ZNF544: variants seen among roughly 807,000 people sequenced by gnomAD.
ZNF544 encodes zinc finger protein 544, also known as zinc finger protein AF020591.
Under a neutral mutation model 13.5 loss-of-function variants are expected in ZNF544, and 10 were observed. The observed-to-expected ratio is 0.74, with a 90% CI of 0.46 to 1.25. The LOEUF is 1.25. Ranked by LOEUF, ZNF544 falls within the 50% of genes most tolerant of loss-of-function variation. ZNF544 has a pLI of 0.00. For missense variants in ZNF544, 896 were observed against 845.6 expected, an observed-to-expected ratio of 1.06 and a Z score of -0.74; for synonymous variants, 323 against 300.5, an observed-to-expected ratio of 1.07 and a Z score of -0.77.
chr19:58,241,809 C>G (rs1182091656), intron 3 of ZNF544, among the ~76,000 whole-genome samples: 2 of 152,062 alleles, frequency 1.3e-5, no homozygotes, highest in Middle Eastern at 3.2e-3. Flanking sequence ...CATTCCATGT[C>G]TTTTGTGTAT....
At chr19:58,242,352 C>CTCTG in intron 3 of ZNF544, 5 of 900,940 alleles carry the variant, frequency 5.5e-6, no homozygotes, top group Non-Finnish European at 6.6e-6. Flanking sequence ...AGCAAGATTT[C>CTCTG]TGCAATTCAT....
At chr19:58,255,703 T>C (rs2047157094) in intron 6 of ZNF544, among the ~76,000 whole-genome samples, 1 of 152,234 alleles carries the variant, frequency 6.6e-6, no homozygotes. Context: ...GAATTTTGCA[T>C]AAGAAAAGAG....
rs1038169399 is a variant in ZNF544 at position 58,230,432 on chromosome 19, A to T, written c.-90A>T. 5 of 152,228 alleles carry T rather than the reference A, an allele frequency of 3.3e-5. No individual in the cohort carries two copies. Among genetic ancestry groups the T allele is most frequent in the African/African-American group, 1.2e-4 (5 of 41,446 alleles). 9.4% of individuals were successfully genotyped at this position (152,228 alleles called of 1,614,324 possible). On this transcript the variant is annotated 5_prime_UTR_variant, in exon 3 of 7. It removes the in-frame stop codon of an upstream open reading frame in the 5' UTR. Coordinates refer to ENST00000687789, the MANE Select transcript of ZNF544 (RefSeq NM_014480.4). ...AGGAAACTGAGGCCTGGAGAGGTTA[A>T]AGAGACCCGTTCAGAGTCCTACAGT...
chr19:58,240,635 G>A (rs1246923163), intron 3 of ZNF544, among the ~76,000 whole-genome samples: 6 of 152,084 alleles, frequency 3.9e-5, no homozygotes, highest in African/African-American at 1.2e-4. Context: ...TGTGATGCGC[G>A]CCTGTGATCC....
At chr19:58,269,617 A>AG (rs199957146) in intron 5 of ZNF544, among the ~76,000 whole-genome samples, 6,396 of 145,052 alleles carry the variant, frequency 0.044, 200 homozygotes, top group Admixed American at 0.087. Context: ...TCTCAAAAAA[A>AG]AAAAAAAAAA....
At chr19:58,241,162 AAT>A (rs374852336) in intron 3 of ZNF544, among the ~76,000 whole-genome samples, 18 of 89,312 alleles carry the variant, frequency 2.0e-4, no homozygotes, top group East Asian at 8.3e-4. Context: ...TATATATTTA[AAT>A]ATATATATAT....
chr19:58,246,199 A>T (rs1366528329), intron 4 of ZNF544, 102 bp from the exon 5 acceptor site: 2 of 1,516,394 alleles, frequency 1.3e-6, no homozygotes, highest in East Asian at 2.3e-5. Flanking sequence ...GTTCCAATGT[A>T]TGAATTTTAC....
intron 3 of ZNF544, chr19:58,242,376 A>G (rs1194581742): frequency 1.3e-6 from 1 of 758,914 alleles, no homozygotes; most frequent in Non-Finnish European, 1.6e-6. Flanking sequence ...TTGATACTTG[A>G]TATTCCAGGG....
exon 7 of ZNF544, chr19:58,277,283 G>C: frequency 3.7e-6 from 4 of 1,088,484 alleles, no homozygotes; most frequent in Non-Finnish European, 4.4e-6. Flanking sequence ...GGATCTGAGA[G>C]AGTGTGGCCA....
At chr19:58,276,241 C>T (rs980451140) in intron 5 of ZNF544, 17 of 626,698 alleles carry the variant, frequency 2.7e-5, no homozygotes, top group African/African-American at 5.7e-5. Flanking sequence ...GATCTTTGCA[C>T]ACCTGCCCCT....
At position 58,261,909 on chromosome 19, in the gene ZNF544, C is replaced by T. The variant is rs1336205161; in HGVS notation, c.1303C>T (p.Pro435Ser). 3.1e-6 allele frequency: 5 copies of T among 1,612,494 alleles called. No homozygotes were observed. In the African/African-American group the frequency reaches 6.7e-5, roughly 22 times the overall value. ...TCAGCGAATTCACACTGGAGAAAAA[C>T]CGTATCAGTGTATTGAATGCAGAAA... ...THQRIHTGEKPYQCIECRKSF... is the reference protein window; with the variant it reads ...THQRIHTGEKSYQCIECRKSF... The change falls in exon 7 of 7, where the codon CCG becomes TCG. Residue 435 changes from proline (P) to serine (S), a missense_variant. Transcript: ENST00000687789.
exon 6 of ZNF544, chr19:58,276,415 C>G (rs1229893443): frequency 8.1e-7 from 1 of 1,231,228 alleles, no homozygotes; most frequent in African/African-American, 1.6e-5. Context: ...CCCACAGCAG[C>G]TGCCACTTGC....
At chr19:58,236,852 G>A (rs142654444) in intron 3 of ZNF544, among the ~76,000 whole-genome samples, 232 of 149,924 alleles carry the variant, frequency 1.5e-3, no homozygotes, top group African/African-American at 5.4e-3. Flanking sequence ...AACAATTCTC[G>A]TGCCTCAGCC....
intron 5 of ZNF544, among the ~76,000 whole-genome samples, chr19:58,273,239 A>G (rs935845948): frequency 1.1e-4 from 16 of 152,186 alleles, no homozygotes; most frequent in Non-Finnish European, 2.2e-4. Context: ...CATATACTTT[A>G]ATAGCACAAC....
At chr19:58,247,073 T>A (rs925426811) in intron 6 of ZNF544, among the ~76,000 whole-genome samples, 6 of 152,174 alleles carry the variant, frequency 3.9e-5, no homozygotes, top group Non-Finnish European at 7.4e-5. Context: ...TGTTTTTTTT[T>A]AATTAATGTA....
chr19:58,261,642 A>G lies in ZNF544; in HGVS notation c.1036A>G (p.Ile346Val), dbSNP rs1208149950. Residue 346 changes from isoleucine to valine, a missense_variant, in exon 7 of 7, where the codon ATC (isoleucine) becomes GTC (valine). By Grantham distance (29) the Ile-to-Val change is conservative. Coordinates refer to ENST00000687789, the MANE Select transcript of ZNF544 (RefSeq NM_014480.4). ...GGCCTCATCTTTTTCTGACTGTAACATCATTCAGACTACAGAGAAGCCATC... is the reference window on the plus strand; with the variant it reads ...GGCCTCATCTTTTTCTGACTGTAACGTCATTCAGACTACAGAGAAGCCATC... Reference protein sequence around the residue: ...PMASSFSDCNIIQTTEKPSVC... With the variant: ...PMASSFSDCNVIQTTEKPSVC... The G allele has an allele frequency of 1.2e-6, 2 of 1,614,252 alleles. No individual in the cohort carries two copies. The highest frequency in any genetic ancestry group is 1.7e-6 in the Non-Finnish European group (2 of 1,180,034).
chr19:58,245,467 A>G (rs1233539358), intron 4 of ZNF544, among the ~76,000 whole-genome samples: 1 of 150,366 alleles, frequency 6.7e-6, no homozygotes. Context: ...ATGCCTGGCT[A>G]ATTTTTGTAT....
chr19:58,241,921 TTC>T (rs143693031), intron 3 of ZNF544, among the ~76,000 whole-genome samples: 10,434 of 148,776 alleles, frequency 0.07, 680 homozygotes, highest in African/African-American at 0.17. Context: ...TGCTGTTCAC[TTC>T]TCTCTCTCTC....
intron 3 of ZNF544, among the ~76,000 whole-genome samples, chr19:58,240,908 G>A (rs928088346): frequency 3.3e-5 from 5 of 151,238 alleles, no homozygotes; most frequent in African/African-American, 1.2e-4. Flanking sequence ...TTGGGGTAGG[G>A]GTCATTTTTT....
Sources: gnomAD v4.1 joint callset for allele counts (sites outside exome capture counted in the v4.1 genomes callset) on GRCh38, gnomAD v4.1.1 for gene constraint, MANE v1.5 for transcripts, NCBI Gene and HGNC (gene_info 2026-07-23, HGNC 2026-07-21) for gene names.